The following MTMR14 variants were observed in gnomAD, a reference collection of about 807,000 sequenced individuals.
MTMR14 encodes the protein phosphatidylinositol-3,5-bisphosphate 3-phosphatase MTMR14.
In MTMR14, 48 loss-of-function variants were observed where a neutral mutation model predicts 86.3. The ratio of observed to expected loss-of-function variants is 0.56; its 90% CI spans 0.44 to 0.71. The LOEUF (loss-of-function observed/expected upper bound fraction) is 0.71. Ranked by LOEUF, MTMR14 falls within the 30% of genes least tolerant of loss-of-function variation. The pLI, the probability that MTMR14 is intolerant of heterozygous loss-of-function variation, is 0.00. For synonymous variants in MTMR14, 366 were observed against 326.1 expected (o/e 1.12, Z -1.32); for missense variants, 780 against 834.6 (o/e 0.93, Z 0.81).
At chr3:9,654,555 A>G (rs2047485644) in intron 2 of MTMR14, among the ~76,000 whole-genome samples, 1 of 152,210 alleles carries the variant, frequency 6.6e-6, no homozygotes, top group African/African-American at 2.4e-5. Flanking sequence ...ATGAGGCTCT[A>G]GGAAGTGGTA....
intron 7 of MTMR14, among the ~76,000 whole-genome samples, chr3:9,676,048 C>T (rs1160492224): frequency 6.6e-6 from 1 of 152,200 alleles, no homozygotes; most frequent in Non-Finnish European, 1.5e-5. Context: ...TCCAGGGAAG[C>T]TTTCCTATCT....
chr3:9,670,672 G>A (rs2048518755), intron 5 of MTMR14, among the ~76,000 whole-genome samples: 1 of 152,108 alleles, frequency 6.6e-6, no homozygotes, highest in Admixed American at 6.5e-5. Context: ...GGGAAAAGGA[G>A]GGGGTGGAAG....
chr3:9,695,835 G>C (rs1035509041), intron 17 of MTMR14, among the ~76,000 whole-genome samples: 1 of 152,194 alleles, frequency 6.6e-6, no homozygotes, highest in Non-Finnish European at 1.5e-5. Context: ...GTGGAGCTAG[G>C]ATGCATCTCA....
At chr3:9,656,980 A>G (rs2047643102) in intron 2 of MTMR14, among the ~76,000 whole-genome samples, 1 of 151,634 alleles carries the variant, frequency 6.6e-6, no homozygotes, top group Non-Finnish European at 1.5e-5. Flanking sequence ...TGGCACAATC[A>G]TGGCTTGCTG....
chr3:9,684,358 T>G (rs2075866424), intron 10 of MTMR14, among the ~76,000 whole-genome samples: 1 of 152,032 alleles, frequency 6.6e-6, no homozygotes, highest in Non-Finnish European at 1.5e-5. Flanking sequence ...TCCCCAGAAG[T>G]ACACTGAGAA....
chr3:9,672,804 T>C (rs2048646037), intron 7 of MTMR14, 46 bp downstream of exon 7: 4 of 1,572,316 alleles, frequency 2.5e-6, no homozygotes, highest in East Asian at 2.2e-5. Context: ...ACTGGGGACC[T>C]TGGGGGCCAT....
rs960860410 is a variant in MTMR14 at position 9,691,373 on chromosome 3, G to A, written c.1613+1230G>A. Among the ~76,000 whole-genome samples, 37 of 152,204 alleles carry A rather than the reference G, an allele frequency of 2.4e-4. 1 individual carries two copies. The highest frequency in any genetic ancestry group is 2.6e-4 in the Admixed American group (4 of 15,280). On this transcript the variant is annotated intron_variant, in intron 17 of 18. Transcript: ENST00000296003. ...ATCCTGTGTGTGCATGCCTGCTGCCGCACCACCCTTGTCTGTGCCCAGCTG... is the reference window on the plus strand; with the variant it reads ...ATCCTGTGTGTGCATGCCTGCTGCCACACCACCCTTGTCTGTGCCCAGCTG...
At chr3:9,679,312 C>T (rs1439439030) in intron 9 of MTMR14, among the ~76,000 whole-genome samples, 2 of 152,180 alleles carry the variant, frequency 1.3e-5, no homozygotes, top group Non-Finnish European at 2.9e-5. Context: ...GGTACCTGTG[C>T]TGTGGTCTCA....
Position 9,677,006 on chromosome 3 carries a change from A to C in MTMR14, c.752-311A>C, listed in dbSNP as rs1417210793. 6.6e-6 allele frequency among the ~76,000 whole-genome samples: 1 copy of C among 152,232 alleles called. No individual in the cohort carries two copies. The highest frequency in any genetic ancestry group is 1.5e-5 in the Non-Finnish European group (1 of 68,046). On this transcript the variant is annotated intron_variant, in intron 7 of 18. Coordinates refer to ENST00000296003, the MANE Select transcript of MTMR14 (RefSeq NM_001077525.3). The surrounding 1 kb of genome is among the most constrained non-coding windows in gnomAD (Gnocchi z 4.2). Reference sequence around the variant, plus strand: ...TTGGCACTACAGAGACCTGTAGGACAAAGGGACTTGCAATGTGGGGGAAGT... The same window carrying C: ...TTGGCACTACAGAGACCTGTAGGACCAAGGGACTTGCAATGTGGGGGAAGT...
chr3:9,652,051 C>G (rs989250641), intron 1 of MTMR14, among the ~76,000 whole-genome samples: 1 of 152,070 alleles, frequency 6.6e-6, no homozygotes, highest in African/African-American at 2.4e-5. Flanking sequence ...AGGATTATCT[C>G]AATCTCTTGA....
chr3:9,688,286 C>T (rs927479914), intron 14 of MTMR14, among the ~76,000 whole-genome samples: 2 of 152,216 alleles, frequency 1.3e-5, no homozygotes, highest in Admixed American at 1.3e-4. Context: ...CTGAACACTG[C>T]AGCCCCCTAC....
chr3:9,650,351 G>A (rs1342984603), intron 1 of MTMR14: 1 of 456,544 alleles, frequency 2.2e-6, no homozygotes, highest in African/African-American at 2.0e-5. Context: ...AGACCTGGAG[G>A]GCTTCCTGTC....
intron 3 of MTMR14, among the ~76,000 whole-genome samples, chr3:9,663,826 G>T (rs557161305): frequency 1.3e-4 from 18 of 141,680 alleles, no homozygotes; most frequent in African/African-American, 4.8e-4. Flanking sequence ...AGTCTCTTCT[G>T]TTGCCAGGCT....
chr3:9,698,809 A>G (rs2076361800), intron 18 of MTMR14, among the ~76,000 whole-genome samples: 1 of 152,072 alleles, frequency 6.6e-6, no homozygotes, highest in Admixed American at 6.6e-5. Context: ...TGTGCCTGGC[A>G]CAGCCTCCTC....
intron 5 of MTMR14, among the ~76,000 whole-genome samples, chr3:9,670,749 A>G (rs1249019058): frequency 6.6e-6 from 1 of 152,200 alleles, no homozygotes; most frequent in Non-Finnish European, 1.5e-5. Context: ...TAGAACGCTG[A>G]GATTATTTTG....
chr3:9,673,208 ATTGAG>A (rs1169427907), intron 7 of MTMR14, among the ~76,000 whole-genome samples: 3 of 152,182 alleles, frequency 2.0e-5, no homozygotes, highest in Non-Finnish European at 4.4e-5. Flanking sequence ...TCTTGAAGTG[ATTGAG>A]TTATTTATGG....
At position 9,686,166 on chromosome 3, in the gene MTMR14, G is replaced by T. The variant is rs1316808696; in HGVS notation, c.1164+919G>T. Among the ~76,000 whole-genome samples the T allele has an allele frequency of 2.6e-5, 4 of 152,222 alleles. No individual in the cohort carries two copies. In the East Asian group the frequency reaches 7.7e-4, roughly 29 times the overall value. ...TCTCCTCTTCCAAATCTCTTCTTCT[G>T]AACACTTATCGCGTCTGCCAGGGCT... On this transcript the variant is annotated intron_variant, in intron 13 of 18. Transcript: ENST00000296003.
Position 9,673,191 on chromosome 3 carries a change from G to C in MTMR14, c.751+433G>C, listed in dbSNP as rs373754654. On this transcript the variant is annotated intron_variant, in intron 7 of 18. Coordinates refer to ENST00000296003, the MANE Select transcript of MTMR14 (RefSeq NM_001077525.3). ...AGCCTGAGTGGATGTCACCCTTTGGGTGCATGTCTTGAAGTGATTGAGTTA... is the reference window on the plus strand; with the variant it reads ...AGCCTGAGTGGATGTCACCCTTTGGCTGCATGTCTTGAAGTGATTGAGTTA... Among the ~76,000 whole-genome samples the C allele has an allele frequency of 4.6e-5, 7 of 152,360 alleles. No individual in the cohort carries two copies. The East Asian group carries it at 7.7e-4, about 17-fold the overall frequency.
At chr3:9,678,594 G>A (rs2075659427) in intron 9 of MTMR14, among the ~76,000 whole-genome samples, 1 of 152,216 alleles carries the variant, frequency 6.6e-6, no homozygotes, top group Non-Finnish European at 1.5e-5. Context: ...AGAACAAGTA[G>A]TTTTGTTTTT....
Sources: gnomAD v4.1 joint callset for allele counts (sites outside exome capture counted in the v4.1 genomes callset) on GRCh38, gnomAD v4.1.1 for gene constraint, Gnocchi (gnomAD v3.1) non-coding constraint, MANE v1.5 for transcripts, NCBI Gene and HGNC (gene_info 2026-07-23, HGNC 2026-07-21) for gene names.